LTBP3: variants seen among roughly 807,000 people sequenced by gnomAD.
LTBP3 encodes the protein latent transforming growth factor beta binding protein 3, also known as latent-transforming growth factor beta-binding protein 3.
A neutral mutation model predicts 159.7 loss-of-function variants in LTBP3; 97 were observed. The ratio of observed to expected loss-of-function variants is 0.61; its 90% CI spans 0.52 to 0.72. The LOEUF (loss-of-function observed/expected upper bound fraction) is 0.72. Ranked by LOEUF, LTBP3 falls within the 30% of genes least tolerant of loss-of-function variation. LTBP3 has a pLI of 0.00. For missense variants in LTBP3, 1,584 were observed against 1,864.3 expected, an observed-to-expected ratio of 0.85 and a Z score of 2.77; for synonymous variants, 824 against 777.1, an observed-to-expected ratio of 1.06 and a Z score of -1.00.
intron 25 of LTBP3, 46 bp from the exon 26 acceptor site, chr11:65,539,674 T>C (rs373015000): frequency 1.1e-5 from 18 of 1,583,700 alleles, no homozygotes; most frequent in African/African-American, 8.1e-5. Flanking sequence ...CCCCGGGCCC[T>C]GGCCCCCATC....
intron 8 of LTBP3, 142 bp downstream of exon 8, chr11:65,551,830 A>C: frequency 9.4e-7 from 1 of 1,065,786 alleles, no homozygotes; most frequent in Non-Finnish European, 1.4e-6. Flanking sequence ...CAGGGGTCAG[A>C]GGGTCAGGTG....
chr11:65,540,959 A>C lies in LTBP3; in HGVS notation c.2894-5T>G. The C allele has an allele frequency of 6.2e-7, 1 of 1,612,634 alleles. No individual in the cohort carries two copies. Among genetic ancestry groups the C allele is most frequent in the Non-Finnish European group, 8.5e-7 (1 of 1,179,424 alleles). On this transcript the variant is annotated splice_region_variant and splice_polypyrimidine_tract_variant and intron_variant, in intron 20 of 27. Coordinates refer to ENST00000301873, the MANE Select transcript of LTBP3 (RefSeq NM_001130144.3). Reference sequence around the variant, plus strand: ...GGCAGAGGCTGTGGAACTCGGCTGCAGGGGCAGGGCGGCCGTGGGGAGGGA... The same window carrying C: ...GGCAGAGGCTGTGGAACTCGGCTGCCGGGGCAGGGCGGCCGTGGGGAGGGA...
chr11:65,538,599 G>A lies in LTBP3; in HGVS notation c.*481C>T, dbSNP rs767834389. ...CGGTGGCCCTTCCCGGCTGCGGAGA[G>A]CCCGCCCCACAGATGTATTTATTGT... is the stretch of plus-strand genomic sequence containing the variant. On this transcript the variant is annotated 3_prime_UTR_variant, in exon 28 of 28. Transcript: ENST00000301873. 3 of 1,599,288 alleles carry A rather than the reference G, an allele frequency of 1.9e-6. No homozygotes were observed. In the South Asian group the frequency reaches 3.3e-5, roughly 18 times the overall value.
chr11:65,550,535 A>T (rs936861545), intron 11 of LTBP3, among the ~76,000 whole-genome samples: 1 of 151,798 alleles, frequency 6.6e-6, no homozygotes, highest in Non-Finnish European at 1.5e-5. Flanking sequence ...ATTTTGAAAG[A>T]TGGTTATGGG....
chr11:65,545,850 C>T (rs961257152), intron 16 of LTBP3: 3 of 187,136 alleles, frequency 1.6e-5, no homozygotes, highest in Non-Finnish European at 3.4e-5. Flanking sequence ...CCTCCCCGGC[C>T]AGCCTCAGCC....
In LTBP3 at chr11:65,538,978, G is replaced by C; in HGVS notation, c.*102C>G. The C allele has an allele frequency of 7.6e-7, 1 of 1,314,288 alleles. No individual in the cohort carries two copies. The allele number at this position is 1,314,288 out of a possible 1,614,324, so 81.4% of individuals were successfully genotyped here. On this transcript the variant is annotated 3_prime_UTR_variant, in exon 28 of 28. Coordinates refer to ENST00000301873, the MANE Select transcript of LTBP3 (RefSeq NM_001130144.3). The stretch of plus-strand genomic sequence containing the variant: ...GCCGGGAGGGTCTGCGGGCCCTGAA[G>C]GTCCCTGGGTCCGAGCCACAAGTCG...
chr11:65,540,659 C>T, intron 21 of LTBP3, 45 bp from the exon 22 acceptor site: 1 of 1,576,564 alleles, frequency 6.3e-7, no homozygotes, highest in Non-Finnish European at 8.6e-7. Context: ...GCAGCTGCAG[C>T]CCGGAGGCGT....
At position 65,547,146 on chromosome 11, in the gene LTBP3, G is replaced by A. The variant is rs1356312820; in HGVS notation, c.2108-226C>T. ...GTGGATCACCTGAGGTCAGGAGTTC[G>A]AGACCAGCCTGGCCAACATGGCGAA... On this transcript the variant is annotated intron_variant, in intron 14 of 27. Transcript: ENST00000301873. This position sits in a 1 kb window ranked among gnomAD's most constrained non-coding sequence, Gnocchi z 4.6. 6.6e-6 allele frequency among the ~76,000 whole-genome samples: 1 copy of A among 152,156 alleles called. No individual in the cohort carries two copies. The highest frequency in any genetic ancestry group is 1.5e-5 in the Non-Finnish European group (1 of 68,016).
chr11:65,543,418 A>C lies in LTBP3; in HGVS notation c.2476+9T>G. ...GACAGGTCAGCACCCCAGCTCTAAGATCCCTCACCCTCGCAGTGGCTCCGG... is the reference window on the plus strand; with the variant it reads ...GACAGGTCAGCACCCCAGCTCTAAGCTCCCTCACCCTCGCAGTGGCTCCGG... On this transcript the variant is annotated intron_variant, in intron 17 of 27. Transcript: ENST00000301873. 6.2e-7 allele frequency: 1 copy of C among 1,613,856 alleles called. No homozygotes were observed. Among genetic ancestry groups the C allele is most frequent in the Non-Finnish European group, 8.5e-7 (1 of 1,179,926 alleles).
Position 65,541,623 on chromosome 11 carries a change from G to A in LTBP3, c.2702C>T (p.Thr901Ile). The A allele has an allele frequency of 6.2e-7, 1 of 1,614,176 alleles. No homozygotes were observed. Among genetic ancestry groups the A allele is most frequent in the East Asian group, 2.2e-5 (1 of 44,878 alleles). Residue 901 changes from threonine (T) to isoleucine (I), a missense_variant, in exon 19 of 28, where the codon ACC becomes ATC. Physicochemically the swap from Thr to Ile is moderately conservative, Grantham distance 89 (BLOSUM62 -1). Around this residue, in one of 6 missense-constraint regions of LTBP3, gnomAD observed 565 missense variants for 677.7 expected, o/e 0.83. Coordinates refer to ENST00000301873, the MANE Select transcript of LTBP3 (RefSeq NM_001130144.3). ...ACCCTCACAACCGTGCTGGTCCTGG[G>A]TGGGAGTGAAGCCCTCATCGCAGAC... ...VCVCDEGFTP[T>I]QDQHGCEEVE...
Position 65,552,113 on chromosome 11 carries a change from G to A in LTBP3, c.1390C>T (p.Leu464Phe). ...ATGGTGAGCGTCTGGTGGGAGGTGA[G>A]AATGTGGTATCCCTTCCCAGCTGGG... ...ICPAGKGYHI[L>F]TSHQTLTIQG... is the part of the protein sequence containing the mutation. Residue 464 changes from leucine (L) to phenylalanine (F), a missense_variant, in exon 8 of 28, where the codon CTC (leucine) becomes TTC (phenylalanine). By Grantham distance (22) the Leu-to-Phe change is conservative (BLOSUM62 0). Around this residue, in one of 6 missense-constraint regions of LTBP3, gnomAD observed 156 missense variants for 259.7 expected, o/e 0.60. Transcript: ENST00000301873. This position sits in a 1 kb window ranked among gnomAD's most constrained non-coding sequence, Gnocchi z 6.0. 1 of 1,614,190 alleles carries A rather than the reference G, an allele frequency of 6.2e-7. No homozygotes were observed. Among genetic ancestry groups the A allele is most frequent in the South Asian group, 1.1e-5 (1 of 91,088 alleles).
At position 65,539,122 on chromosome 11, in the gene LTBP3, G is replaced by A. The variant is rs761413569; in HGVS notation, c.3870C>T (p.Arg1290=). The change falls in exon 28 of 28, where the codon CGC becomes CGT. Residue 1290 remains arginine, a synonymous_variant. Transcript: ENST00000301873. ...GAACGCAGGCCCCGTGCGGGCGGCTGCGCGCGAAGCCGGCTTTGCAGACGC... is the reference window on the plus strand; with the variant it reads ...GAACGCAGGCCCCGTGCGGGCGGCTACGCGCGAAGCCGGCTTTGCAGACGC... ...FRCVCKAGFA[R]SRPHGACVPQ... is the part of the protein sequence containing the mutation. The A allele has an allele frequency of 9.8e-5, 145 of 1,476,920 alleles. No individual in the cohort carries two copies. The South Asian group carries it at 1.2e-3, about 12-fold the overall frequency. 91.5% of individuals were successfully genotyped at this position (1,476,920 alleles called of 1,614,324 possible). A position where few individuals can be genotyped will look rare whatever the true frequency, so the allele number is the denominator to read the frequency against.
intron 18 of LTBP3, chr11:65,542,743 T>A: frequency 2.9e-6 from 1 of 339,984 alleles, no homozygotes; most frequent in South Asian, 2.3e-5. Context: ...ATGGGTGAGT[T>A]GATGGGGAAG....
chr11:65,548,171 C>T (rs1856463184), intron 11 of LTBP3, 126 bp from the exon 12 acceptor site: 1 of 1,373,346 alleles, frequency 7.3e-7, no homozygotes, highest in African/African-American at 1.4e-5. Flanking sequence ...ACTCCAACTC[C>T]AGGATGTCCT....
chr11:65,540,446 C>G (rs1434093013), intron 22 of LTBP3, 40 bp downstream of exon 22: 1 of 1,611,368 alleles, frequency 6.2e-7, no homozygotes, highest in Non-Finnish European at 8.5e-7. Context: ...GCGCGTGTCT[C>G]CCTGCCGCTT....
chr11:65,550,980 T>C (rs1002655959), intron 11 of LTBP3, 146 bp downstream of exon 11: 13 of 713,768 alleles, frequency 1.8e-5, no homozygotes, highest in African/African-American at 3.5e-5. Flanking sequence ...GTGGGATCTC[T>C]GGTGCTCACC....
In LTBP3 at chr11:65,547,771, T is replaced by A. The variant is rs1259616769; in HGVS notation, c.1897A>T (p.Met633Leu). ...EPCGPGRGIC[M>L]NTGGSYNCHC... is the part of the protein sequence containing the mutation. ...CAATTGTAGGAGCCGCCGGTGTTCA[T>A]GCAGATGCCCCTCCCCGGGCCACAG... is the stretch of plus-strand genomic sequence containing the variant. Residue 633 changes from methionine (M) to leucine (L), a missense_variant, in exon 13 of 28, where the codon ATG (methionine) becomes TTG (leucine). Met to Leu is a conservative substitution (Grantham distance 15). Transcript: ENST00000301873. The surrounding 1 kb of genome is among the most constrained non-coding windows in gnomAD (Gnocchi z 4.6). 6.2e-7 allele frequency: 1 copy of A among 1,612,364 alleles called. No homozygotes were observed. Among genetic ancestry groups the A allele is most frequent in the Non-Finnish European group, 8.5e-7 (1 of 1,179,538 alleles).
Position 65,539,471 on chromosome 11 carries a change from G to C in LTBP3, c.3629-12C>G. The C allele has an allele frequency of 6.3e-7, 1 of 1,576,110 alleles. No homozygotes were observed. Among genetic ancestry groups the C allele is most frequent in the Non-Finnish European group, 8.6e-7 (1 of 1,160,824 alleles). On this transcript the variant is annotated splice_polypyrimidine_tract_variant and intron_variant, in intron 26 of 27. Coordinates refer to ENST00000301873, the MANE Select transcript of LTBP3 (RefSeq NM_001130144.3). ...TGAACTGTCCTCATCTGCGTGGCCC[G>C]GAACAATATGGACTTCAACACTGAG...
intron 19 of LTBP3, 108 bp from the exon 20 acceptor site, chr11:65,541,401 C>A: frequency 6.8e-7 from 1 of 1,471,976 alleles, no homozygotes; most frequent in Admixed American, 1.7e-5. Flanking sequence ...CTCCCCTTAG[C>A]CTCCTCCTGA....
Sources: allele counts gnomAD v4.1 joint callset (sites outside exome capture counted in the v4.1 genomes callset), GRCh38; gene constraint gnomAD v4.1.1; regional missense constraint gnomAD v4.1.1; non-coding constraint Gnocchi (gnomAD v3.1); transcripts MANE v1.5; gene names NCBI Gene and HGNC (gene_info 2026-07-23, HGNC 2026-07-21).